Variants in ZNF347 observed in about 807,000 individuals in gnomAD.
The protein encoded by ZNF347 is CTD-2620I22.7.
Under a neutral mutation model 12.9 loss-of-function variants are expected in ZNF347, and 19 were observed. That is an observed-to-expected ratio of 1.47 (90% CI 1.03 to 2.16). The LOEUF (loss-of-function observed/expected upper bound fraction) is 2.16. Ranked by LOEUF, ZNF347 falls within the 30% of genes most tolerant of loss-of-function variation. ZNF347 has a pLI of 0.00. For synonymous variants in ZNF347, 328 were observed against 340.6 expected (o/e 0.96, Z 0.41); for missense variants, 1,005 against 990.6 (o/e 1.01, Z -0.19).
In ZNF347 at chr19:53,156,051, G is replaced by GGGC. The variant is rs918118348; in HGVS notation, c.-46-2259_-46-2258insGCC. Among the ~76,000 whole-genome samples the GGGC allele has an allele frequency of 7.9e-5, 11 of 139,666 alleles. 1 individual carries two copies. The highest frequency in any genetic ancestry group is 2.1e-4 in the Admixed American group (3 of 14,246). 91.6% of individuals were successfully genotyped at this position (139,666 alleles called of 152,430 possible). On this transcript the variant is annotated intron_variant, in intron 1 of 4. Transcript: ENST00000334197. ...TCCCAGGGGACTCCCAGCTCGGGGG[G>GGGC]GGGGGGGGGTTAGGCGGGGGTCCTA...
chr19:53,159,022 AC>A lies in ZNF347; in HGVS notation c.-61del, dbSNP rs1333623299. 2 of 151,830 alleles carry A rather than the reference AC, an allele frequency of 1.3e-5. No individual in the cohort carries two copies. The highest frequency in any genetic ancestry group is 4.8e-5 in the African/African-American group (2 of 41,292). The allele number at this position is 151,830 out of a possible 1,614,324, so 9.4% of individuals were successfully genotyped here. A position where few individuals can be genotyped will look rare whatever the true frequency, so the allele number is the denominator to read the frequency against. ...AGGGACACTCACGCTCGGCGGCGTCACCCGCACCCAACACGATCCGCTTCCG... is the reference window on the plus strand; with the variant it reads ...AGGGACACTCACGCTCGGCGGCGTCACCGCACCCAACACGATCCGCTTCCG... On this transcript the variant is annotated 5_prime_UTR_variant, in exon 1 of 5. Coordinates refer to ENST00000334197, the MANE Select transcript of ZNF347 (RefSeq NM_032584.3).
Position 53,142,225 on chromosome 19 carries a change from T to G in ZNF347, c.603A>C (p.Glu201Asp). 6.2e-7 allele frequency: 1 copy of G among 1,613,200 alleles called. No homozygotes were observed. Among genetic ancestry groups the G allele is most frequent in the Non-Finnish European group, 8.5e-7 (1 of 1,179,742 alleles). Reference sequence around the variant, plus strand: ...CCTGATTACATTCATAAATTTTCCCTTCATATTGAAAAAGCTGCAGTTCAG... The same window carrying G: ...CCTGATTACATTCATAAATTTTCCCGTCATATTGAAAAAGCTGCAGTTCAG... ...HLPELQLFQY[E>D]GKIYECNQVE... Residue 201 changes from glutamate (E) to aspartate (D), a missense_variant, in exon 5 of 5, where the codon GAA becomes GAC. Transcript: ENST00000334197.
chr19:53,142,709 C>T (rs2090437969), intron 4 of ZNF347, among the ~76,000 whole-genome samples, 153 bp from the exon 5 acceptor site: 1 of 152,086 alleles, frequency 6.6e-6, no homozygotes. Flanking sequence ...CAATAATATT[C>T]AATTTTTAGG....
chr19:53,146,230 C>A (rs2090462520), intron 4 of ZNF347, among the ~76,000 whole-genome samples: 1 of 152,138 alleles, frequency 6.6e-6, no homozygotes, highest in South Asian at 2.1e-4. Context: ...CCACCTTAGT[C>A]TCCCAAAGTG....
chr19:53,153,895 A>C, intron 1 of ZNF347, 102 bp from the exon 2 acceptor site: 2 of 801,804 alleles, frequency 2.5e-6, no homozygotes, highest in Non-Finnish European at 4.1e-6. Flanking sequence ...CCACAATCAC[A>C]CACACACACA....
intron 2 of ZNF347, 114 bp from the exon 3 acceptor site, chr19:53,149,481 G>C (rs2090484248): frequency 1.9e-6 from 3 of 1,556,382 alleles, no homozygotes; most frequent in Non-Finnish European, 2.6e-6. Flanking sequence ...TCCAAGTTGT[G>C]ATATAATAAA....
intron 4 of ZNF347, among the ~76,000 whole-genome samples, chr19:53,143,848 T>C (rs1277120517): frequency 2.6e-5 from 4 of 152,108 alleles, no homozygotes; most frequent in Non-Finnish European, 4.4e-5. Flanking sequence ...CCACCAACAG[T>C]GTAAAAGTGT....
intron 1 of ZNF347, among the ~76,000 whole-genome samples, chr19:53,157,759 C>T (rs2090544989): frequency 6.6e-6 from 1 of 152,174 alleles, no homozygotes; most frequent in Non-Finnish European, 1.5e-5. Flanking sequence ...GCTGTCCCAG[C>T]ACCACGCTGC....
chr19:53,157,958 C>T (rs1599863161), intron 1 of ZNF347, among the ~76,000 whole-genome samples: 1 of 152,198 alleles, frequency 6.6e-6, no homozygotes, highest in Non-Finnish European at 1.5e-5. Context: ...AAATCCCTCG[C>T]CCATCCTCTA....
chr19:53,147,785 A>G (rs1413114725), intron 4 of ZNF347, among the ~76,000 whole-genome samples: 3 of 152,130 alleles, frequency 2.0e-5, no homozygotes, highest in Non-Finnish European at 4.4e-5. Context: ...ACAAAATAGA[A>G]TTCAACAACA....
rs2090478488 is a variant in ZNF347 at position 53,148,737 on chromosome 19, T to A, written c.215A>T (p.Gln72Leu). ...ATCTGGGTTTCCTGCTATTTGTACTTGGCTCTCCAAAGTGAAAGGCTCCTT... is the reference window on the plus strand; with the variant it reads ...ATCTGGGTTTCCTGCTATTTGTACTAGGCTCTCCAAAGTGAAAGGCTCCTT... ...QGKEPFTLES[Q>L]VQIAGNPDGW... The change falls in exon 4 of 5, where the codon CAA (glutamine) becomes CTA (leucine). Residue 72 changes from glutamine (Q) to leucine (L), a missense_variant. Gln to Leu is a moderately radical substitution (Grantham distance 113). Transcript: ENST00000334197. 2 of 1,613,986 alleles carry A rather than the reference T, an allele frequency of 1.2e-6. No homozygotes were observed. The highest frequency in any genetic ancestry group is 1.7e-6 in the Non-Finnish European group (2 of 1,179,984).
intron 1 of ZNF347, among the ~76,000 whole-genome samples, chr19:53,158,375 G>A (rs2090549460): frequency 6.6e-6 from 1 of 152,210 alleles, no homozygotes; most frequent in Non-Finnish European, 1.5e-5. Context: ...GCGCTCCAGG[G>A]GCCGACGAGG....
Position 53,142,111 on chromosome 19 carries a change from G to A in ZNF347, c.717C>T (p.Leu239=). The A allele has an allele frequency of 6.2e-7, 1 of 1,612,758 alleles. No individual in the cohort carries two copies. Among genetic ancestry groups the A allele is most frequent in the Non-Finnish European group, 8.5e-7 (1 of 1,179,678 alleles). The change falls in exon 5 of 5, where the codon CTC becomes CTT. Residue 239 remains leucine, a synonymous_variant. Coordinates refer to ENST00000334197, the MANE Select transcript of ZNF347 (RefSeq NM_032584.3). ...GTAATAAAGAAGAGATAAAATCTTT[G>A]AGATATTTCTTAGAAATGTGGGTTT... The part of the protein sequence containing the change: ...NVKTHISKKY[L]KDFISSLLLT...
At position 53,148,775 on chromosome 19, in the gene ZNF347, C is replaced by A. The variant is rs1422230054; in HGVS notation, c.177G>T (p.Met59Ile). ...ISCFDLSIISMLEQGKEPFTL... is the reference protein window; with the variant it reads ...ISCFDLSIISILEQGKEPFTL... ...TGAAAGGCTCCTTCCCTTGCTCCAA[C>A]ATAGAGATAATACTGAGGTCAAAAC... The change falls in exon 4 of 5, where the codon ATG becomes ATT. Residue 59 changes from methionine (M) to isoleucine (I), a missense_variant. Physicochemically the swap from Met to Ile is conservative, Grantham distance 10. Transcript: ENST00000334197. The A allele has an allele frequency of 6.2e-7, 1 of 1,613,912 alleles. No homozygotes were observed. The highest frequency in any genetic ancestry group is 1.7e-5 in the Admixed American group (1 of 59,994).
In ZNF347 at chr19:53,146,685, G is replaced by A. The variant is rs548644086; in HGVS notation, c.271+1996C>T. Among the ~76,000 whole-genome samples the A allele has an allele frequency of 1.6e-4, 24 of 152,196 alleles. No homozygotes were observed. In the South Asian group the frequency reaches 4.6e-3, roughly 29 times the overall value. On this transcript the variant is annotated intron_variant, in intron 4 of 4. Coordinates refer to ENST00000334197, the MANE Select transcript of ZNF347 (RefSeq NM_032584.3). ...AATTAATAAAATCAGAGACAAAACA[G>A]AAAACATTAGAACTGATACCATAGA...
chr19:53,150,173 C>T (rs925089768), intron 2 of ZNF347, among the ~76,000 whole-genome samples: 6 of 152,138 alleles, frequency 3.9e-5, no homozygotes, highest in Non-Finnish European at 7.3e-5. Context: ...ATTGAGCCCT[C>T]AACCTGTGGG....
Position 53,143,962 on chromosome 19 carries a change from A to T in ZNF347, c.272-1406T>A, listed in dbSNP as rs556792168. On this transcript the variant is annotated intron_variant, in intron 4 of 4. Coordinates refer to ENST00000334197, the MANE Select transcript of ZNF347 (RefSeq NM_032584.3). ...TAAGCCTTATTTTATGGTCACCACAAAGTAAAAGCCTGTAATAGACATATT... is the reference window on the plus strand; with the variant it reads ...TAAGCCTTATTTTATGGTCACCACATAGTAAAAGCCTGTAATAGACATATT... Among the ~76,000 whole-genome samples the T allele has an allele frequency of 2.6e-5, 4 of 152,356 alleles. No individual in the cohort carries two copies. The South Asian group carries it at 8.3e-4, about 32-fold the overall frequency.
intron 1 of ZNF347, among the ~76,000 whole-genome samples, chr19:53,157,074 A>C (rs567062127): frequency 6.6e-6 from 1 of 152,166 alleles, no homozygotes; most frequent in Non-Finnish European, 1.5e-5. Context: ...CTATTCCAGG[A>C]AAAGGGAAGT....
Position 53,149,273 on chromosome 19 carries a change from A to T in ZNF347, c.110T>A (p.Met37Lys), listed in dbSNP as rs1359987001. 2 of 1,613,636 alleles carry T rather than the reference A, an allele frequency of 1.2e-6. No homozygotes were observed. The highest frequency in any genetic ancestry group is 2.2e-5 in the South Asian group (2 of 91,014). ...GGCCAGGTTCCTATAATTCTCCAAC[A>T]TCACGTCCCTGTACAAAGTCCTCTG... ...PAQRTLYRDV[M>K]LENYRNLASL... The change falls in exon 3 of 5, where the codon ATG (methionine) becomes AAG (lysine). Residue 37 changes from methionine to lysine, a missense_variant. Coordinates refer to ENST00000334197, the MANE Select transcript of ZNF347 (RefSeq NM_032584.3).
Sources: gnomAD v4.1 joint callset for allele counts (sites outside exome capture counted in the v4.1 genomes callset) on GRCh38, gnomAD v4.1.1 for gene constraint, MANE v1.5 for transcripts, NCBI Gene and HGNC (gene_info 2026-07-23, HGNC 2026-07-21) for gene names.